The following AGBL1 variants were observed in gnomAD, a reference collection of about 807,000 sequenced individuals.
AGBL1 encodes the protein cytosolic carboxypeptidase 4.
A neutral mutation model predicts 118.9 loss-of-function variants in AGBL1; 130 were observed. The observed-to-expected ratio is 1.09, with a 90% CI of 0.95 to 1.26. AGBL1 has a LOEUF of 1.26. Ranked by LOEUF, AGBL1 falls within the 50% of genes most tolerant of loss-of-function variation. The pLI is 0.00. For synonymous variants in AGBL1, 555 were observed against 478.9 expected (o/e 1.16, Z -2.08); for missense variants, 1,584 against 1,298.1 (o/e 1.22, Z -3.38).
At chr15:86,992,925 C>A (rs960908495) in intron 24 of AGBL1, among the ~76,000 whole-genome samples, 10 of 152,066 alleles carry the variant, frequency 6.6e-5, no homozygotes, top group African/African-American at 2.2e-4. Context: ...ATGACTTGAG[C>A]TATGCAAAGA....
chr15:86,786,851 A>G (rs1050765018), intron 22 of AGBL1, among the ~76,000 whole-genome samples: 20 of 152,198 alleles, frequency 1.3e-4, no homozygotes, highest in African/African-American at 4.6e-4. Flanking sequence ...TAACATTCTC[A>G]CACCTATCTC....
At position 86,915,546 on chromosome 15, in the gene AGBL1, T is replaced by C. The variant is rs72754042; in HGVS notation, c.*8252T>C. On this transcript the variant is annotated 3_prime_UTR_variant, in exon 23 of 23. Transcript: ENST00000614907. ...GGCTCCTCCAAGAAGTCTCCCATGA[T>C]CTGATTCTGAGTTCCTACTGTCATC... is the stretch of plus-strand genomic sequence containing the variant. 1 of 152,104 alleles carries C rather than the reference T, an allele frequency of 6.6e-6. No homozygotes were observed. The highest frequency in any genetic ancestry group is 2.4e-5 in the African/African-American group (1 of 41,362). 9.4% of individuals were successfully genotyped at this position (152,104 alleles called of 1,614,324 possible). A position where few individuals can be genotyped will look rare whatever the true frequency, so the allele number is the denominator to read the frequency against.
intron 15 of AGBL1, among the ~76,000 whole-genome samples, chr15:86,276,321 T>C (rs567678351): frequency 1.3e-5 from 2 of 152,334 alleles, no homozygotes; most frequent in African/African-American, 4.8e-5. Context: ...GTTTCTGAGC[T>C]AAGCCTACAA....
intron 21 of AGBL1, among the ~76,000 whole-genome samples, chr15:86,578,711 A>T (rs1259383192): frequency 6.6e-6 from 1 of 151,686 alleles, no homozygotes; most frequent in Non-Finnish European, 1.5e-5. Flanking sequence ...ATGAGATCTG[A>T]TGGTTATTAT....
At chr15:86,804,608 T>G (rs1395529760) in intron 22 of AGBL1, among the ~76,000 whole-genome samples, 2 of 152,180 alleles carry the variant, frequency 1.3e-5, no homozygotes, top group Non-Finnish European at 2.9e-5. Context: ...GATCCTAAAC[T>G]AAGCAATGCC....
chr15:86,833,463 C>A (rs148420504), intron 22 of AGBL1, among the ~76,000 whole-genome samples: 208 of 152,194 alleles, frequency 1.4e-3, no homozygotes, highest in African/African-American at 4.8e-3. Flanking sequence ...GGGGTTTCTG[C>A]TTTTGCTTCT....
At chr15:86,082,855 A>T (rs1274444252) in intron 1 of AGBL1, among the ~76,000 whole-genome samples, 1 of 152,214 alleles carries the variant, frequency 6.6e-6, no homozygotes, top group East Asian at 1.9e-4. Flanking sequence ...AGCAGGAGGC[A>T]GGCAGCCCAC....
chr15:86,587,209 A>C (rs2084262833), intron 21 of AGBL1, among the ~76,000 whole-genome samples: 1 of 152,184 alleles, frequency 6.6e-6, no homozygotes, highest in South Asian at 2.1e-4. Context: ...GAGGAAACTG[A>C]GGCACGGACA....
intron 13 of AGBL1, among the ~76,000 whole-genome samples, chr15:86,268,258 A>G (rs2079104148): frequency 6.6e-6 from 1 of 152,192 alleles, no homozygotes; most frequent in Non-Finnish European, 1.5e-5. Flanking sequence ...AAGCCCAACA[A>G]ATAAAACAGA....
intron 7 of AGBL1, among the ~76,000 whole-genome samples, chr15:86,252,629 A>T (rs1431035842): frequency 6.6e-6 from 1 of 152,164 alleles, no homozygotes; most frequent in Non-Finnish European, 1.5e-5. Context: ...CTGACCAGAG[A>T]AGCCTCCATG....
chr15:86,672,533 C>G (rs1485616253), intron 21 of AGBL1, among the ~76,000 whole-genome samples: 2 of 152,314 alleles, frequency 1.3e-5, no homozygotes, highest in East Asian at 1.9e-4. Flanking sequence ...GAGTCTTACT[C>G]TCATTCCCCT....
chr15:86,893,281 T>C (rs1282212502), intron 22 of AGBL1, among the ~76,000 whole-genome samples: 1 of 152,128 alleles, frequency 6.6e-6, no homozygotes, highest in African/African-American at 2.4e-5. Flanking sequence ...GGTGGCTGCC[T>C]CTTGAGGTCT....
chr15:86,746,688 C>T lies in AGBL1; in HGVS notation c.3158+72252C>T, dbSNP rs190908882. 3.4e-4 allele frequency among the ~76,000 whole-genome samples: 51 copies of T among 152,136 alleles called. No homozygotes were observed. The East Asian group carries it at 3.5e-3, about 10-fold the overall frequency. On this transcript the variant is annotated intron_variant, in intron 22 of 22. Coordinates refer to ENST00000614907, the MANE Select transcript of AGBL1 (RefSeq NM_001386094.1). Reference sequence around the variant, plus strand: ...GCACTTATTGGATGTTTTGTGAACACATCCTTTCTCTTCTGTGTATTTTAT... The same window carrying T: ...GCACTTATTGGATGTTTTGTGAACATATCCTTTCTCTTCTGTGTATTTTAT...
At chr15:86,808,412 CA>C (rs1162784155) in intron 22 of AGBL1, among the ~76,000 whole-genome samples, 1 of 152,108 alleles carries the variant, frequency 6.6e-6, no homozygotes, top group Non-Finnish European at 1.5e-5. Context: ...TTCTTGTATC[CA>C]CATCTCATTA....
chr15:86,799,585 G>A (rs1485921490), intron 22 of AGBL1, among the ~76,000 whole-genome samples: 11 of 151,992 alleles, frequency 7.2e-5, no homozygotes, highest in African/African-American at 2.4e-4. Context: ...ATATTGTGAC[G>A]GAATTATGTA....
chr15:87,022,176 C>T (rs1567291651), intron 24 of AGBL1, among the ~76,000 whole-genome samples: 1 of 152,028 alleles, frequency 6.6e-6, no homozygotes. Flanking sequence ...CAGCCTTCAG[C>T]CCTACACCTT....
chr15:86,169,889 T>C (rs2077391716), intron 5 of AGBL1, among the ~76,000 whole-genome samples: 1 of 152,196 alleles, frequency 6.6e-6, no homozygotes, highest in African/African-American at 2.4e-5. Context: ...ATCATAGAAC[T>C]ACTTCCAAGT....
intron 16 of AGBL1, among the ~76,000 whole-genome samples, chr15:86,283,949 A>T (rs2079397850): frequency 6.6e-6 from 1 of 151,988 alleles, no homozygotes; most frequent in African/African-American, 2.4e-5. Context: ...AAGCTATTTA[A>T]CTTCTCTTAG....
chr15:86,640,696 A>G (rs1404525702), intron 21 of AGBL1, among the ~76,000 whole-genome samples: 1 of 152,192 alleles, frequency 6.6e-6, no homozygotes, highest in Non-Finnish European at 1.5e-5. Context: ...AAGATTTGGT[A>G]ATAAGTCATT....
Sources: allele counts gnomAD v4.1 joint callset (sites outside exome capture counted in the v4.1 genomes callset), GRCh38; gene constraint gnomAD v4.1.1; transcripts MANE v1.5; gene names NCBI Gene and HGNC (gene_info 2026-07-23, HGNC 2026-07-21).